SLC2A9: variants seen among roughly 807,000 people sequenced by gnomAD.
The protein encoded by SLC2A9 is solute carrier family 2 member 9, also known as solute carrier family 2, facilitated glucose transporter member 9.
In SLC2A9, 39 loss-of-function variants were observed where a neutral mutation model predicts 50.6. The observed-to-expected ratio is 0.77, with a 90% CI of 0.60 to 1.01. The LOEUF (loss-of-function observed/expected upper bound fraction) is 1.01, where lower values mean the gene tolerates loss of function less well. SLC2A9 is among the 50% of genes least tolerant of loss of function. SLC2A9 has a pLI of 0.00. For missense variants in SLC2A9, 686 were observed against 677.6 expected (o/e 1.01, Z -0.14); for synonymous variants, 324 against 276.9 (o/e 1.17, Z -1.69).
At chr4:9,825,718 C>A (rs991493321), downstream of SLC2A9, among the ~76,000 whole-genome samples, 1 of 152,166 alleles carries the variant, frequency 6.6e-6, no homozygotes, top group African/African-American at 2.4e-5. Flanking sequence ...GTGAGGACAG[C>A]GTCAGCCCTG....
intron 6 of SLC2A9, among the ~76,000 whole-genome samples, chr4:9,937,328 T>C (rs1203934796): frequency 6.6e-6 from 1 of 152,134 alleles, no homozygotes; most frequent in Non-Finnish European, 1.5e-5. Flanking sequence ...GGGTTTTCTG[T>C]AGGAGACATT....
At chr4:9,874,964 CTG>C (rs1426867615) in intron 10 of SLC2A9, among the ~76,000 whole-genome samples, 3 of 138,664 alleles carry the variant, frequency 2.2e-5, no homozygotes, top group Admixed American at 7.1e-5. Flanking sequence ...AGATGGGATG[CTG>C]TGTCTTTAGA....
intron 10 of SLC2A9, among the ~76,000 whole-genome samples, chr4:9,850,283 T>C (rs950104680): frequency 2.0e-5 from 3 of 152,148 alleles, no homozygotes; most frequent in Non-Finnish European, 4.4e-5. Context: ...CAGGGAGAAC[T>C]GCTTAGACAG....
chr4:9,914,489 C>T (rs116881794), intron 7 of SLC2A9, among the ~76,000 whole-genome samples: 8 of 152,288 alleles, frequency 5.3e-5, no homozygotes, highest in East Asian at 3.9e-4. Flanking sequence ...AGTTGCACCC[C>T]GACTACAGCT....
rs141241707 is a variant in SLC2A9, at chr4:9,830,572, C to T, written c.1420-3972G>A. ...CAGAAAAAGTTTGACTAGTCCTGCC[C>T]GTCTCACTCTGCTTAGGCACTCAGG... On this transcript the variant is annotated intron_variant, in intron 11 of 11. Transcript: ENST00000264784. Among the ~76,000 whole-genome samples, 962 of 152,286 alleles carry T rather than the reference C, an allele frequency of 6.3e-3. 5 individuals are homozygous for T. Among genetic ancestry groups the T allele is most frequent in the Non-Finnish European group, 0.01 (704 of 68,032 alleles).
At chr4:9,848,315 C>G (rs991377513) in intron 10 of SLC2A9, among the ~76,000 whole-genome samples, 1 of 149,220 alleles carries the variant, frequency 6.7e-6, no homozygotes, top group Admixed American at 6.7e-5. Flanking sequence ...GCATAAGTAA[C>G]TACACAAGCC....
intron 6 of SLC2A9, among the ~76,000 whole-genome samples, chr4:9,936,433 T>C (rs113848172): frequency 6.6e-6 from 1 of 152,150 alleles, no homozygotes; most frequent in African/African-American, 2.4e-5. Flanking sequence ...CTGGGCCACA[T>C]GCTGTGACAC....
rs35342884 is a variant in SLC2A9 at position 9,853,175 on chromosome 4, C to CAAAAAAA, written c.1292-18174_1292-18168dup. On this transcript the variant is annotated intron_variant, in intron 10 of 11. Coordinates refer to ENST00000264784, the MANE Select transcript of SLC2A9 (RefSeq NM_020041.3). The stretch of plus-strand genomic sequence containing the variant: ...TGGGCAACAGAGTGAAACTCCCTCT[C>CAAAAAAA]AAAAAAAAAAAAAAAAAAGGCACAG... 2.5e-5 allele frequency among the ~76,000 whole-genome samples: 2 copies of CAAAAAAA among 79,468 alleles called. 1 individual carries two copies. The highest frequency in any genetic ancestry group is 7.7e-5 in the African/African-American group (2 of 25,850). 52.1% of individuals were successfully genotyped at this position (79,468 alleles called of 152,430 possible). A position where few individuals can be genotyped will look rare whatever the true frequency, so the allele number is the denominator to read the frequency against.
intron 3 of SLC2A9, among the ~76,000 whole-genome samples, chr4:9,991,222 T>C (rs1010961690): frequency 1.3e-5 from 2 of 152,136 alleles, no homozygotes; most frequent in Admixed American, 6.5e-5. Context: ...TAAAGATTAC[T>C]CCTGAAGAGC....
chr4:9,999,978 T>C (rs78281350), intron 2 of SLC2A9, among the ~76,000 whole-genome samples: 1 of 152,116 alleles, frequency 6.6e-6, no homozygotes, highest in Non-Finnish European at 1.5e-5. Context: ...CAGATGGTGT[T>C]GCAGAAAGTG....
intron 3 of SLC2A9, among the ~76,000 whole-genome samples, chr4:9,790,966 T>C (rs1355269577): frequency 1.3e-5 from 2 of 152,240 alleles, no homozygotes; most frequent in Admixed American, 1.3e-4. Context: ...GCTTGAATTA[T>C]TCTTAGATAT....
At chr4:9,858,159 A>T (rs925154216) in intron 10 of SLC2A9, among the ~76,000 whole-genome samples, 9 of 152,196 alleles carry the variant, frequency 5.9e-5, no homozygotes, top group Admixed American at 2.6e-4. Context: ...CACTAAATTG[A>T]TCTGCATAGG....
intron 3 of SLC2A9, among the ~76,000 whole-genome samples, chr4:9,988,040 G>A (rs770239444): frequency 3.3e-5 from 5 of 152,236 alleles, no homozygotes; most frequent in African/African-American, 7.2e-5. Context: ...AATGACACCG[G>A]CTAATACTTG....
At chr4:9,835,253 A>G (rs1362344158) in intron 10 of SLC2A9, among the ~76,000 whole-genome samples, 1 of 152,116 alleles carries the variant, frequency 6.6e-6, no homozygotes, top group African/African-American at 2.4e-5. Context: ...GAGAGCCTCC[A>G]GTCACCACCA....
Position 9,790,894 on chromosome 4 carries a change from C to A in SLC2A9, n.386-10829G>T, listed in dbSNP as rs145718821. On this transcript the variant is annotated intron_variant and non_coding_transcript_variant, in intron 3 of 3. Transcript: ENST00000503803. ...TCCTGCCCTGATCTTGCCTTTGCTA[C>A]AATATTAAATGGGCTCTTATTAACA... Among the ~76,000 whole-genome samples, 1,458 of 152,314 alleles carry A rather than the reference C, an allele frequency of 9.6e-3. 28 individuals carry two copies. Among genetic ancestry groups the A allele is most frequent in the African/African-American group, 0.034 (1,397 of 41,566 alleles).
chr4:9,827,678 G>T (rs2109085650), intron 11 of SLC2A9, among the ~76,000 whole-genome samples: 1 of 152,262 alleles, frequency 6.6e-6, no homozygotes, highest in East Asian at 1.9e-4. Context: ...ATGTAGGGTT[G>T]TTGTATGAAT....
intron 11 of SLC2A9, among the ~76,000 whole-genome samples, chr4:9,828,976 T>C (rs980364116): frequency 9.2e-5 from 14 of 152,168 alleles, no homozygotes; most frequent in African/African-American, 3.1e-4. Flanking sequence ...TCCTGCCGTA[T>C]CCCAGGCCAC....
At chr4:9,981,678 C>T (rs961648294) in intron 4 of SLC2A9, among the ~76,000 whole-genome samples, 1 of 152,202 alleles carries the variant, frequency 6.6e-6, no homozygotes, top group Admixed American at 6.5e-5. Flanking sequence ...TTATGGGACT[C>T]CGTTATGGCA....
At chr4:9,825,181 C>T (rs1172725367), downstream of SLC2A9, among the ~76,000 whole-genome samples, 1 of 152,196 alleles carries the variant, frequency 6.6e-6, no homozygotes, top group African/African-American at 2.4e-5. Flanking sequence ...CACGTTTTTT[C>T]ATTTTAGAAG....
Sources: gnomAD v4.1 joint callset for allele counts (sites outside exome capture counted in the v4.1 genomes callset) on GRCh38, gnomAD v4.1.1 for gene constraint, MANE v1.5 for transcripts, NCBI Gene and HGNC (gene_info 2026-07-23, HGNC 2026-07-21) for gene names.